KCNQ1: variants seen among roughly 807,000 people sequenced by gnomAD.
KCNQ1 encodes the protein potassium voltage-gated channel subfamily Q member 1.
Under a neutral mutation model 72.4 loss-of-function variants are expected in KCNQ1, and 49 were observed. The observed-to-expected ratio is 0.68, with a 90% CI of 0.54 to 0.86. KCNQ1 has a LOEUF of 0.86. Among genes scored for constraint, KCNQ1 ranks in the 40% least tolerant of loss-of-function variants. KCNQ1 has a pLI of 0.00. For synonymous variants in KCNQ1, 450 were observed against 412.6 expected (o/e 1.09, Z -1.10); for missense variants, 790 against 945.1 (o/e 0.84, Z 2.15).
At chr11:2,789,257 T>G (rs1480399011) in intron 15 of KCNQ1, among the ~76,000 whole-genome samples, 1 of 152,184 alleles carries the variant, frequency 6.6e-6, no homozygotes, top group African/African-American at 2.4e-5. Flanking sequence ...GCAGACGCTC[T>G]TCTGTCTTAC....
rs1433180404 is a variant in KCNQ1 at position 2,623,431 on chromosome 11, C to T, written c.1393+34577C>T. ...TCTGTGCACTGCCTATTCAACCCTT[C>T]TTCCCCAACAACCCTTGGCAACCAC... On this transcript the variant is annotated intron_variant, in intron 10 of 15. Coordinates refer to ENST00000155840, the MANE Select transcript of KCNQ1 (RefSeq NM_000218.3). The surrounding 1 kb of genome is among the most constrained non-coding windows in gnomAD (Gnocchi z 5.2). 2.5e-6 allele frequency: 1 copy of T among 398,510 alleles called. No individual in the cohort carries two copies. The highest frequency in any genetic ancestry group is 2.1e-5 in the African/African-American group (1 of 48,638). The allele number at this position is 398,510 out of a possible 1,614,324, so 24.7% of individuals were successfully genotyped here.
rs545504239 is a variant in KCNQ1, at chr11:2,832,053, G to A, written c.1795-15714G>A. ...CAGGCAGCCCTGCAGGTGGACAGCT[G>A]GGCCTCAGGCTTAGGACCTGGGACA... On this transcript the variant is annotated intron_variant, in intron 15 of 15. Transcript: ENST00000155840. Among the ~76,000 whole-genome samples the A allele has an allele frequency of 9.9e-5, 15 of 152,180 alleles. No homozygotes were observed. The South Asian group carries it at 2.5e-3, about 25-fold the overall frequency.
At position 2,450,898 on chromosome 11, in the gene KCNQ1, G is replaced by A. The variant is rs115235089; in HGVS notation, c.386+5414G>A. Among the ~76,000 whole-genome samples, 1,364 of 152,272 alleles carry A rather than the reference G, an allele frequency of 9.0e-3. 27 individuals carry two copies. Among genetic ancestry groups the A allele is most frequent in the African/African-American group, 0.031 (1,294 of 41,542 alleles). On this transcript the variant is annotated intron_variant, in intron 1 of 15. Transcript: ENST00000155840. This position sits in a 1 kb window ranked among gnomAD's most constrained non-coding sequence, Gnocchi z 7.9. ...GCCCTCTTCTGGGAGCCCCACGTGG[G>A]TGGGTGCTGGCTGGGGAGGGGCTTC...
chr11:2,535,033 C>G (rs1847706402), intron 2 of KCNQ1, among the ~76,000 whole-genome samples: 1 of 152,178 alleles, frequency 6.6e-6, no homozygotes, highest in Admixed American at 6.5e-5. Flanking sequence ...TCTGTCTGCA[C>G]AGCCCCCAGG....
In KCNQ1 at chr11:2,762,477, C is replaced by T. The variant is rs928314340; in HGVS notation, c.1515-6367C>T. Among the ~76,000 whole-genome samples the T allele has an allele frequency of 6.6e-6, 1 of 152,098 alleles. No homozygotes were observed. The highest frequency in any genetic ancestry group is 1.5e-5 in the Non-Finnish European group (1 of 68,026). ...TGAAAAGCGTATCCTTCCGCCAGCT[C>T]GACGGCAAAGGCGTCTTTTCTATGA... On this transcript the variant is annotated intron_variant, in intron 11 of 15. Transcript: ENST00000155840. The surrounding 1 kb of genome is among the most constrained non-coding windows in gnomAD (Gnocchi z 4.3).
chr11:2,733,814 A>ACACACACACTCTCTCTCT, intron 11 of KCNQ1, among the ~76,000 whole-genome samples: 2 of 86,614 alleles, frequency 2.3e-5, no homozygotes, highest in African/African-American at 4.2e-5. Flanking sequence ...ACACACACAC[A>ACACACACACTCTCTCTCT]CTCTCTCACT....
At chr11:2,694,824 G>A (rs1850647987) in intron 11 of KCNQ1, 1 of 398,680 alleles carries the variant, frequency 2.5e-6, no homozygotes, top group Non-Finnish European at 4.4e-6. Context: ...GACTGAAGGG[G>A]ATGACAGATA....
chr11:2,821,562 A>T (rs962221146), intron 15 of KCNQ1, among the ~76,000 whole-genome samples: 1 of 152,144 alleles, frequency 6.6e-6, no homozygotes, highest in Non-Finnish European at 1.5e-5. Flanking sequence ...GACCCCACAC[A>T]GTTACCCATG....
rs1846873238 is a variant in KCNQ1 at position 2,784,127 on chromosome 11, T to C, written c.1794+6090T>C. On this transcript the variant is annotated intron_variant, in intron 15 of 15. Transcript: ENST00000155840. The surrounding 1 kb of genome is among the most constrained non-coding windows in gnomAD (Gnocchi z 4.7). ...GGTTTTTTTCCTTCTAGAAGTTGTA[T>C]AGAATTAGCTCTTACATTTCGGTCT... Among the ~76,000 whole-genome samples the C allele has an allele frequency of 6.6e-6, 1 of 151,994 alleles. No individual in the cohort carries two copies. Among genetic ancestry groups the C allele is most frequent in the Non-Finnish European group, 1.5e-5 (1 of 67,840 alleles).
In KCNQ1 at chr11:2,698,501, C is replaced by G. The variant is rs186124276; in HGVS notation, c.1514+36420C>G. 2.8e-4 allele frequency: 111 copies of G among 398,630 alleles called. No homozygotes were observed. The highest frequency in any genetic ancestry group is 1.4e-3 in the Admixed American group (31 of 22,738). 24.7% of individuals were successfully genotyped at this position (398,630 alleles called of 1,614,324 possible). On this transcript the variant is annotated intron_variant, in intron 11 of 15. Coordinates refer to ENST00000155840, the MANE Select transcript of KCNQ1 (RefSeq NM_000218.3). The surrounding 1 kb of genome is among the most constrained non-coding windows in gnomAD (Gnocchi z 5.1). ...GACCAAGAGACTTCTACCACTACCT[C>G]TCACCTGGCAGGTGATCACCACCCC... is the stretch of plus-strand genomic sequence containing the variant.
At chr11:2,681,147 A>G (rs1404040398) in intron 11 of KCNQ1, 1 of 398,538 alleles carries the variant, frequency 2.5e-6, no homozygotes, top group Non-Finnish European at 4.4e-6. Flanking sequence ...ATTCTTACAT[A>G]GCAATTCTAC....
chr11:2,657,082 T>A lies in KCNQ1; in HGVS notation c.1394-4879T>A, dbSNP rs1311506930. 2.5e-6 allele frequency: 1 copy of A among 398,566 alleles called. No individual in the cohort carries two copies. The highest frequency in any genetic ancestry group is 2.1e-5 in the African/African-American group (1 of 48,652). The allele number at this position is 398,566 out of a possible 1,614,324, so 24.7% of individuals were successfully genotyped here. A position where few individuals can be genotyped will look rare whatever the true frequency, so the allele number is the denominator to read the frequency against. On this transcript the variant is annotated intron_variant, in intron 10 of 15. Coordinates refer to ENST00000155840, the MANE Select transcript of KCNQ1 (RefSeq NM_000218.3). This position sits in a 1 kb window ranked among gnomAD's most constrained non-coding sequence, Gnocchi z 4.8. ...CTCAATCCTGTCCCATTGGCCTATT[T>A]GTCTCTCCCTGTGTCAATACCACAT... is the stretch of plus-strand genomic sequence containing the variant.
chr11:2,647,696 T>G lies in KCNQ1; in HGVS notation c.1394-14265T>G, dbSNP rs1332787846. 5.0e-6 allele frequency: 2 copies of G among 398,404 alleles called. No individual in the cohort carries two copies. Among genetic ancestry groups the G allele is most frequent in the Non-Finnish European group, 8.8e-6 (2 of 226,056 alleles). 24.7% of individuals were successfully genotyped at this position (398,404 alleles called of 1,614,324 possible). A position where few individuals can be genotyped will look rare whatever the true frequency, so the allele number is the denominator to read the frequency against. ...TTCCTTGTTATTGCTCTGTTCAGAT[T>G]TTTTTTCTTCCTGGTTCAATCTTGG... is the stretch of plus-strand genomic sequence containing the variant. On this transcript the variant is annotated intron_variant, in intron 10 of 15. Coordinates refer to ENST00000155840, the MANE Select transcript of KCNQ1 (RefSeq NM_000218.3). This position sits in a 1 kb window ranked among gnomAD's most constrained non-coding sequence, Gnocchi z 4.0.
In KCNQ1 at chr11:2,750,181, C is replaced by A. The variant is rs1413962480; in HGVS notation, c.1515-18663C>A. Among the ~76,000 whole-genome samples, 1 of 152,082 alleles carries A rather than the reference C, an allele frequency of 6.6e-6. No individual in the cohort carries two copies. The highest frequency in any genetic ancestry group is 1.5e-5 in the Non-Finnish European group (1 of 68,026). ...CCAGAGTCCAGGTCAGCGCCAGGGGCAGCAGGGGCTGGATCTCTGGGGAAG... is the reference window on the plus strand; with the variant it reads ...CCAGAGTCCAGGTCAGCGCCAGGGGAAGCAGGGGCTGGATCTCTGGGGAAG... On this transcript the variant is annotated intron_variant, in intron 11 of 15. Transcript: ENST00000155840. This position sits in a 1 kb window ranked among gnomAD's most constrained non-coding sequence, Gnocchi z 6.3.
intron 15 of KCNQ1, among the ~76,000 whole-genome samples, chr11:2,778,965 C>A (rs1230780174): frequency 6.6e-6 from 1 of 152,224 alleles, no homozygotes; most frequent in African/African-American, 2.4e-5. Context: ...CCCCACCTGG[C>A]ACCATCTGCC....
intron 11 of KCNQ1, chr11:2,665,607 A>G (rs1366510075): frequency 5.0e-6 from 2 of 396,536 alleles, no homozygotes; most frequent in African/African-American, 4.2e-5. Flanking sequence ...CCCAGGACAC[A>G]CTTAGGCTGT....
intron 1 of KCNQ1, among the ~76,000 whole-genome samples, 187 bp from the exon 2 acceptor site, chr11:2,527,741 G>A (rs1023120738): frequency 2.0e-5 from 3 of 152,230 alleles, no homozygotes; most frequent in Non-Finnish European, 4.4e-5. Flanking sequence ...TTCCCGTGGC[G>A]GGACGGCATC....
rs76341569 is a variant in KCNQ1, at chr11:2,683,310, T to G, written c.1514+21229T>G. The stretch of plus-strand genomic sequence containing the variant: ...GTTTTAGTTTGCAAAACCAGACACA[T>G]AGAGGCCAGGTTTCCCCCGCTCAAC... On this transcript the variant is annotated intron_variant, in intron 11 of 15. Coordinates refer to ENST00000155840, the MANE Select transcript of KCNQ1 (RefSeq NM_000218.3). This position sits in a 1 kb window ranked among gnomAD's most constrained non-coding sequence, Gnocchi z 4.7. 5,822 of 398,528 alleles carry G rather than the reference T, an allele frequency of 0.015. 204 individuals carry two copies. Among genetic ancestry groups the G allele is most frequent in the East Asian group, 0.097 (2,719 of 28,070 alleles). 24.7% of individuals were successfully genotyped at this position (398,528 alleles called of 1,614,324 possible).
intron 3 of KCNQ1, 112 bp downstream of exon 3, chr11:2,570,866 C>G: frequency 6.8e-7 from 1 of 1,478,446 alleles, no homozygotes; most frequent in Non-Finnish European, 9.3e-7. Flanking sequence ...AACCCCAAGG[C>G]CAGCAGGGGG....
Sources: gnomAD v4.1 joint callset for allele counts (sites outside exome capture counted in the v4.1 genomes callset) on GRCh38, gnomAD v4.1.1 for gene constraint, Gnocchi (gnomAD v3.1) non-coding constraint, MANE v1.5 for transcripts, NCBI Gene and HGNC (gene_info 2026-07-23, HGNC 2026-07-21) for gene names.